The following KCNJ6 variants were observed in gnomAD, a reference collection of about 807,000 sequenced individuals.
KCNJ6 encodes the protein potassium inwardly rectifying channel subfamily J member 6.
KCNJ6 carries 9 observed loss-of-function variants against 34.2 expected under a neutral mutation model. That is an observed-to-expected ratio of 0.26 (90% CI 0.16 to 0.46). The LOEUF is 0.46. Among genes scored for constraint, KCNJ6 ranks in the 20% least tolerant of loss-of-function variants. The probability of loss-of-function intolerance (pLI) is 1.00; values close to 1 mark genes in which losing one functional copy is unlikely to be tolerated. For synonymous variants in KCNJ6, 196 were observed against 207.1 expected (o/e 0.95, Z 0.46); for missense variants, 236 against 531.3 (o/e 0.44, Z 5.46).
intron 1 of KCNJ6, among the ~76,000 whole-genome samples, chr21:37,859,532 A>ATAAAT (rs1568875152): frequency 2.6e-5 from 2 of 77,826 alleles, no homozygotes; most frequent in African/African-American, 1.5e-4. Context: ...TATATATATA[A>ATAAAT]AATACTTAAA....
intron 2 of KCNJ6, among the ~76,000 whole-genome samples, chr21:37,761,539 G>A (rs542923404): frequency 5.7e-4 from 85 of 148,820 alleles, no homozygotes; most frequent in African/African-American, 1.8e-3. Context: ...GGTGTGTGTC[G>A]TGTGTGTGGT....
chr21:37,844,077 T>TTTTTA (rs2055494334), intron 1 of KCNJ6, among the ~76,000 whole-genome samples: 1 of 151,526 alleles, frequency 6.6e-6, no homozygotes, highest in Non-Finnish European at 1.5e-5. Flanking sequence ...TTTTTTTTTT[T>TTTTTA]GAGATGGAGT....
At chr21:37,678,927 A>G (rs543594952) in intron 3 of KCNJ6, among the ~76,000 whole-genome samples, 2 of 152,292 alleles carry the variant, frequency 1.3e-5, no homozygotes, top group South Asian at 4.1e-4. Context: ...TTCCCCTTAC[A>G]TGTTGGCTGG....
chr21:37,818,211 CGTGTGTGT>C (rs10539396), intron 2 of KCNJ6, among the ~76,000 whole-genome samples: 3,827 of 148,262 alleles, frequency 0.026, 131 homozygotes, highest in African/African-American at 0.073. Context: ...TGTGTGCGTG[CGTGTGTGT>C]GTGTGTGTGT....
Position 37,778,696 on chromosome 21 carries a change from C to CGTGTGTGTGT in KCNJ6, c.25+61952_25+61961dup, listed in dbSNP as rs61218477. On this transcript the variant is annotated intron_variant, in intron 2 of 3. Transcript: ENST00000609713. ...ATTGTGTGTATCCGTGTGCTGTGTG[C>CGTGTGTGTGT]GTGTGTGTGTGTGTGTGTGTGTGTG... 2.0e-3 allele frequency among the ~76,000 whole-genome samples: 287 copies of CGTGTGTGTGT among 146,262 alleles called. 1 individual carries two copies. The highest frequency in any genetic ancestry group is 0.019 in the East Asian group (95 of 4,926).
At chr21:37,744,253 G>A (rs2054955779) in intron 2 of KCNJ6, among the ~76,000 whole-genome samples, 1 of 151,748 alleles carries the variant, frequency 6.6e-6, no homozygotes, top group Admixed American at 6.6e-5. Context: ...CATGGCACAT[G>A]TATACATATG....
At position 37,623,106 on chromosome 21, in the gene KCNJ6, A is replaced by G. The variant is rs973098241; in HGVS notation, c.*2053T>C. ...TGATTCAACAGAGATTCAATGCAAA[A>G]AAGGAAATGCTGGCAAACAGGAAAG... On this transcript the variant is annotated 3_prime_UTR_variant, in exon 4 of 4. Transcript: ENST00000609713. The G allele has an allele frequency of 6.6e-6, 1 of 152,288 alleles. No individual in the cohort carries two copies. The highest frequency in any genetic ancestry group is 1.5e-5 in the Non-Finnish European group (1 of 68,100). 9.4% of individuals were successfully genotyped at this position (152,288 alleles called of 1,614,324 possible).
chr21:37,627,776 C>T (rs955467828), intron 3 of KCNJ6, among the ~76,000 whole-genome samples: 12 of 148,674 alleles, frequency 8.1e-5, no homozygotes, highest in African/African-American at 2.2e-4. Flanking sequence ...TGGTTGACAC[C>T]GAGTCTCTGT....
chr21:37,620,530 C>G lies in KCNJ6; in HGVS notation c.*4629G>C, dbSNP rs1470014953. On this transcript the variant is annotated 3_prime_UTR_variant, in exon 4 of 4. Coordinates refer to ENST00000609713, the MANE Select transcript of KCNJ6 (RefSeq NM_002240.5). Reference sequence around the variant, plus strand: ...AGCTCACAAGTGGTACAATAACAGGCAGCAGGCCAGATTTTTTTTTTTTTA... The same window carrying G: ...AGCTCACAAGTGGTACAATAACAGGGAGCAGGCCAGATTTTTTTTTTTTTA... The G allele has an allele frequency of 6.6e-6, 1 of 151,736 alleles. No individual in the cohort carries two copies. 9.4% of individuals were successfully genotyped at this position (151,736 alleles called of 1,614,324 possible).
Position 37,616,596 on chromosome 21 carries a change from T to A in KCNJ6, c.*8563A>T, listed in dbSNP as rs1262412876. On this transcript the variant is annotated 3_prime_UTR_variant, in exon 4 of 4. Transcript: ENST00000609713. Reference sequence around the variant, plus strand: ...GAAGCAGGAACAAAATGTACATATATATATATATATATATATATATGGTTA... The same window carrying A: ...GAAGCAGGAACAAAATGTACATATAAATATATATATATATATATATGGTTA... 1 of 44,336 alleles carries A rather than the reference T, an allele frequency of 2.3e-5. No individual in the cohort carries two copies. Among genetic ancestry groups the A allele is most frequent in the Non-Finnish European group, 4.3e-5 (1 of 23,204 alleles). The allele number at this position is 44,336 out of a possible 1,614,324, so 2.7% of individuals were successfully genotyped here.
At chr21:37,735,580 C>T (rs1342734775) in intron 2 of KCNJ6, among the ~76,000 whole-genome samples, 2 of 152,200 alleles carry the variant, frequency 1.3e-5, no homozygotes, top group African/African-American at 2.4e-5. Context: ...GTGTAGTATC[C>T]ACATTGGGCT....
intron 2 of KCNJ6, among the ~76,000 whole-genome samples, chr21:37,785,689 C>A (rs1300596190): frequency 6.6e-6 from 1 of 152,214 alleles, no homozygotes; most frequent in Admixed American, 6.5e-5. Context: ...TTATCCATTG[C>A]ACAGGTGCAG....
chr21:37,677,430 G>A (rs527496053), intron 3 of KCNJ6, among the ~76,000 whole-genome samples: 9 of 152,304 alleles, frequency 5.9e-5, no homozygotes, highest in Admixed American at 1.3e-4. Flanking sequence ...TTTGCCAGGA[G>A]TACCAAATCC....
chr21:37,843,274 A>G (rs1269106583), intron 1 of KCNJ6, among the ~76,000 whole-genome samples: 1 of 152,098 alleles, frequency 6.6e-6, no homozygotes, highest in African/African-American at 2.4e-5. Flanking sequence ...AGTCCTAGAG[A>G]TGTCAAATAC....
chr21:37,626,631 G>C (rs2054312420), intron 3 of KCNJ6, among the ~76,000 whole-genome samples: 1 of 151,760 alleles, frequency 6.6e-6, no homozygotes. Context: ...TGACACGTGT[G>C]GTTTTTTAAA....
intron 2 of KCNJ6, among the ~76,000 whole-genome samples, chr21:37,720,102 TG>T (rs35985240): frequency 1.3e-5 from 2 of 151,702 alleles, no homozygotes; most frequent in East Asian, 3.9e-4. Flanking sequence ...CAATTTTGGG[TG>T]GGGGGGTTCA....
intron 2 of KCNJ6, among the ~76,000 whole-genome samples, chr21:37,785,936 A>C (rs1370653657): frequency 1.3e-5 from 2 of 152,248 alleles, no homozygotes; most frequent in Non-Finnish European, 2.9e-5. Flanking sequence ...TCTCTGAGTA[A>C]GAGAGGTGGC....
chr21:37,625,285 A>G lies in KCNJ6; in HGVS notation c.1146T>C (p.Ser382=). ...ELASRAELPL[S]WSVSSKLNQH... ...GGTTGAGTTTGCTGGATACAGACCA[A>G]CTCAGGGGCAGCTCTGCCCTGCTGG... The change falls in exon 4 of 4, where the codon AGT becomes AGC. Residue 382 remains serine, a synonymous_variant. Coordinates refer to ENST00000609713, the MANE Select transcript of KCNJ6 (RefSeq NM_002240.5). 6.2e-7 allele frequency: 1 copy of G among 1,614,158 alleles called. No individual in the cohort carries two copies.
intron 3 of KCNJ6, among the ~76,000 whole-genome samples, chr21:37,667,511 G>C (rs1301642065): frequency 6.6e-6 from 1 of 151,922 alleles, no homozygotes; most frequent in African/African-American, 2.4e-5. Context: ...AGGACGCTGG[G>C]GTAGTGGGCG....
Sources: gnomAD v4.1 joint callset for allele counts (sites outside exome capture counted in the v4.1 genomes callset) on GRCh38, gnomAD v4.1.1 for gene constraint, MANE v1.5 for transcripts, NCBI Gene and HGNC (gene_info 2026-07-23, HGNC 2026-07-21) for gene names.